The following BRD1 variants were observed in gnomAD, a reference collection of about 807,000 sequenced individuals.
BRD1 encodes bromodomain-containing protein 1.
Under a neutral mutation model 107.7 loss-of-function variants are expected in BRD1, and 24 were observed. The observed-to-expected ratio is 0.22, with a 90% CI of 0.16 to 0.31. The LOEUF is 0.31. Ranked by LOEUF, BRD1 falls within the 10% of genes least tolerant of loss-of-function variation. BRD1 has a pLI of 1.00. For synonymous variants in BRD1, 744 were observed against 686.1 expected (o/e 1.08, Z -1.32); for missense variants, 1,279 against 1,638.6 (o/e 0.78, Z 3.79).
At chr22:49,799,595 G>A (rs1267218244) in intron 3 of BRD1, among the ~76,000 whole-genome samples, 1 of 152,220 alleles carries the variant, frequency 6.6e-6, no homozygotes, top group Non-Finnish European at 1.5e-5. Context: ...GAGCATGACG[G>A]GGGCCTGGCA....
intron 5 of BRD1, 140 bp from the exon 6 acceptor site, chr22:49,798,257 C>A: frequency 2.0e-6 from 2 of 998,804 alleles, no homozygotes; most frequent in Non-Finnish European, 1.4e-6. Flanking sequence ...AGACATAAGA[C>A]CCAAGTACTG....
chr22:49,808,974 C>A (rs1417727753), intron 2 of BRD1, among the ~76,000 whole-genome samples: 6 of 151,236 alleles, frequency 4.0e-5, no homozygotes, highest in Middle Eastern at 3.3e-3. Context: ...AAAAAATTAG[C>A]CAGGCATGAT....
chr22:49,793,977 G>A (rs1054030660), intron 7 of BRD1, 57 bp downstream of exon 7: 47 of 1,566,762 alleles, frequency 3.0e-5, no homozygotes, highest in Non-Finnish European at 3.8e-5. Context: ...GCCTGTGCCT[G>A]TGCCTGAGCC....
At chr22:49,787,299 A>AACCCCC (rs2059344927) in intron 8 of BRD1, 91 bp downstream of exon 8, 140 of 546,592 alleles carry the variant, frequency 2.6e-4, no homozygotes, top group Admixed American at 7.8e-4. Flanking sequence ...GAAGCTGGAC[A>AACCCCC]CCCCCCCCCC....
chr22:49,810,103 G>A (rs1333763778), intron 2 of BRD1, among the ~76,000 whole-genome samples: 1 of 152,106 alleles, frequency 6.6e-6, no homozygotes, highest in Admixed American at 6.5e-5. Context: ...TGGATATCAA[G>A]AGTTTAAAAA....
intron 8 of BRD1, 87 bp downstream of exon 8, chr22:49,787,303 C>CA: frequency 1.3e-6 from 1 of 750,118 alleles, no homozygotes; most frequent in East Asian, 4.9e-5. Flanking sequence ...CTGGACACCC[C>CA]CCCCCCCCCG....
At chr22:49,777,278 C>T (rs1191915469) in intron 9 of BRD1, 117 bp from the exon 10 acceptor site, 15 of 1,487,612 alleles carry the variant, frequency 1.0e-5, no homozygotes, top group East Asian at 2.3e-5. Context: ...CTGACACCCC[C>T]GCGGCCAGAC....
intron 2 of BRD1, chr22:49,821,086 T>C (rs1235255889): frequency 2.0e-5 from 3 of 152,442 alleles, no homozygotes; most frequent in African/African-American, 7.2e-5. Flanking sequence ...TCGAGTTTTC[T>C]TCTCAATCAG....
Position 49,823,739 on chromosome 22 carries a change from G to A in BRD1, c.579C>T (p.Phe193=), listed in dbSNP as rs11912787. The change falls in exon 2 of 13, where the codon TTC becomes TTT. Residue 193 remains phenylalanine, a synonymous_variant. Coordinates refer to ENST00000404760, the MANE Select transcript of BRD1 (RefSeq NM_001304808.3). ...QSMFEFLMDR[F]EKESHCENQK... Reference sequence around the variant, plus strand: ...GGTTCTCGCAGTGCGACTCCTTCTCGAAGCGGTCCATCAGGAACTCAAACA... The same window carrying A: ...GGTTCTCGCAGTGCGACTCCTTCTCAAAGCGGTCCATCAGGAACTCAAACA... 0.08 allele frequency: 129,894 copies of A among 1,613,984 alleles called. 6,639 individuals are homozygous for A. Among genetic ancestry groups the A allele is most frequent in the African/African-American group, 0.18 (13,729 of 75,018 alleles).
At chr22:49,804,180 C>T (rs769754112) in intron 3 of BRD1, 24 bp downstream of exon 3, 5 of 1,550,964 alleles carry the variant, frequency 3.2e-6, no homozygotes, top group African/African-American at 1.4e-5. Context: ...CGCAGAAAGG[C>T]TGTGGGGGCC....
chr22:49,774,966 G>A (rs994981194), intron 12 of BRD1, among the ~76,000 whole-genome samples: 5 of 152,230 alleles, frequency 3.3e-5, no homozygotes, highest in East Asian at 3.8e-4. Context: ...CCAGCTCCAC[G>A]GGGAACCAGG....
rs538087121 is a variant in BRD1, at chr22:49,823,562, G to A, written c.756C>T (p.Pro252=). ...HQECYGVPYI[P]EGQWLCRHCL... ...AGTGGCGGCAGAGCCACTGGCCCTC[G>A]GGGATGTAGGGCACCCCGTAGCACT... Residue 252 remains proline, a synonymous_variant, in exon 2 of 13, where the codon CCC becomes CCT. Coordinates refer to ENST00000404760, the MANE Select transcript of BRD1 (RefSeq NM_001304808.3). The A allele has an allele frequency of 4.6e-5, 73 of 1,602,652 alleles. No homozygotes were observed. Among genetic ancestry groups the A allele is most frequent in the Non-Finnish European group, 5.7e-5 (67 of 1,173,442 alleles).
At chr22:49,826,248 C>T in intron 1 of BRD1, 1 of 985,470 alleles carries the variant, frequency 1.0e-6, no homozygotes. Context: ...TCCCAGGGAG[C>T]CGTGAAGCTC....
Position 49,805,121 on chromosome 22 carries a change from C to T in BRD1, c.1368-761G>A, listed in dbSNP as rs1035648704. ...GAGAGACAGAGCTCAAGGTATAAGC[C>T]GCTAACAGGTGCTGTTTTACCGTGC... On this transcript the variant is annotated intron_variant, in intron 2 of 12. Transcript: ENST00000404760. Among the ~76,000 whole-genome samples, 23 of 152,318 alleles carry T rather than the reference C, an allele frequency of 1.5e-4. 1 individual carries two copies. The South Asian group carries it at 1.7e-3, about 11-fold the overall frequency.
Position 49,783,691 on chromosome 22 carries a change from G to A in BRD1, c.2857+3699C>T, listed in dbSNP as rs369948118. 7.2e-5 allele frequency among the ~76,000 whole-genome samples: 11 copies of A among 151,960 alleles called. No individual in the cohort carries two copies. Among genetic ancestry groups the A allele is most frequent in the East Asian group, 1.9e-4 (1 of 5,136 alleles). ...CCACGACATCCCGCCAGCTCCAGGC[G>A]TGCACCGGGCGCCAGCACCATTCCC... On this transcript the variant is annotated intron_variant, in intron 8 of 12. Transcript: ENST00000404760. This position sits in a 1 kb window ranked among gnomAD's most constrained non-coding sequence, Gnocchi z 4.2.
intron 2 of BRD1, among the ~76,000 whole-genome samples, chr22:49,816,554 G>C (rs969047438): frequency 1.3e-5 from 2 of 152,184 alleles, no homozygotes; most frequent in Non-Finnish European, 2.9e-5. Context: ...TTCCAGAATA[G>C]TGACATCTTT....
At chr22:49,810,660 A>C (rs2059832827) in intron 2 of BRD1, among the ~76,000 whole-genome samples, 1 of 152,242 alleles carries the variant, frequency 6.6e-6, no homozygotes, top group African/African-American at 2.4e-5. Context: ...AACATGGCAA[A>C]GATCTGAACA....
intron 10 of BRD1, 59 bp from the exon 11 acceptor site, chr22:49,776,218 C>G: frequency 6.8e-7 from 1 of 1,471,078 alleles, no homozygotes; most frequent in Non-Finnish European, 9.3e-7. Flanking sequence ...CACGCCCCGC[C>G]CCCCCACAAA....
In BRD1 at chr22:49,794,290, G is replaced by A. The variant is rs1157495612; in HGVS notation, c.2103C>T (p.Asp701=). 2 of 1,608,756 alleles carry A rather than the reference G, an allele frequency of 1.2e-6. No individual in the cohort carries two copies. Among genetic ancestry groups the A allele is most frequent in the Non-Finnish European group, 8.5e-7 (1 of 1,176,750 alleles). Reference sequence around the variant, plus strand: ...CTCTGTTGGCGGGGTCCAGCAACCTGTCCACTGAACCAAAGGACACATGCT... The same window carrying A: ...CTCTGTTGGCGGGGTCCAGCAACCTATCCACTGAACCAAAGGACACATGCT... ...PRRPFSWEDV[D]RLLDPANRAH... is the part of the protein sequence containing the mutation. Residue 701 remains aspartate (D), a synonymous_variant, in exon 7 of 13, where the codon GAC becomes GAT. Coordinates refer to ENST00000404760, the MANE Select transcript of BRD1 (RefSeq NM_001304808.3).
Sources: gnomAD v4.1 joint callset for allele counts (sites outside exome capture counted in the v4.1 genomes callset) on GRCh38, gnomAD v4.1.1 for gene constraint, Gnocchi (gnomAD v3.1) non-coding constraint, MANE v1.5 for transcripts, NCBI Gene and HGNC (gene_info 2026-07-23, HGNC 2026-07-21) for gene names.